The following GABBR2 variants were observed in gnomAD, a reference collection of about 807,000 sequenced individuals.
GABBR2 encodes G-protein coupled receptor 51.
A neutral mutation model predicts 105.6 loss-of-function variants in GABBR2; 23 were observed. That is an observed-to-expected ratio of 0.22 (90% CI 0.16 to 0.31). GABBR2 has a LOEUF of 0.31. GABBR2 is among the 10% of genes least tolerant of loss of function. The pLI is 1.00. For synonymous variants in GABBR2, 478 were observed against 499.7 expected, an observed-to-expected ratio of 0.96 and a Z score of 0.58; for missense variants, 734 against 1,245.5, an observed-to-expected ratio of 0.59 and a Z score of 6.18.
chr9:98,544,258 A>C (rs1828361882), intron 2 of GABBR2, among the ~76,000 whole-genome samples: 1 of 152,184 alleles, frequency 6.6e-6, no homozygotes, highest in African/African-American at 2.4e-5. Context: ...CTGTCACCCT[A>C]GAACCACGTT....
At chr9:98,702,107 C>T (rs964878839) in intron 1 of GABBR2, among the ~76,000 whole-genome samples, 1 of 152,080 alleles carries the variant, frequency 6.6e-6, no homozygotes, top group Non-Finnish European at 1.5e-5. Flanking sequence ...CCAAGGTCAC[C>T]AAGCAGGTGA....
At chr9:98,329,981 A>G (rs1830995403) in intron 13 of GABBR2, among the ~76,000 whole-genome samples, 1 of 152,122 alleles carries the variant, frequency 6.6e-6, no homozygotes, top group South Asian at 2.1e-4. Context: ...ATATTATCAT[A>G]TCTATTAAAA....
intron 2 of GABBR2, among the ~76,000 whole-genome samples, chr9:98,557,455 T>G (rs993603895): frequency 1.3e-5 from 2 of 152,192 alleles, no homozygotes; most frequent in Non-Finnish European, 2.9e-5. Context: ...AGGGTCCATG[T>G]GTAACTGTTT....
intron 13 of GABBR2, among the ~76,000 whole-genome samples, chr9:98,335,745 A>G (rs921662801): frequency 3.3e-5 from 5 of 152,318 alleles, no homozygotes; most frequent in Non-Finnish European, 7.4e-5. Context: ...GTATCAACAT[A>G]TTCATCCAAT....
Position 98,708,280 on chromosome 9 carries a change from G to C in GABBR2, c.321+137C>G, listed in dbSNP as rs1002186538. The C allele has an allele frequency of 7.9e-6, 7 of 885,990 alleles. No individual in the cohort carries two copies. The East Asian group carries it at 2.2e-4, about 28-fold the overall frequency. 54.9% of individuals were successfully genotyped at this position (885,990 alleles called of 1,614,324 possible). On this transcript the variant is annotated intron_variant, in intron 1 of 18. Coordinates refer to ENST00000259455, the MANE Select transcript of GABBR2 (RefSeq NM_005458.8). ...GCAGGACCGCGGGGGTGAACACTGGGCACCAGCCCTCTCTGCCCTCGGCAG... is the reference window on the plus strand; with the variant it reads ...GCAGGACCGCGGGGGTGAACACTGGCCACCAGCCCTCTCTGCCCTCGGCAG...
intron 1 of GABBR2, among the ~76,000 whole-genome samples, chr9:98,628,532 C>A (rs1829776533): frequency 6.6e-6 from 1 of 152,152 alleles, no homozygotes; most frequent in Admixed American, 6.5e-5. Flanking sequence ...ATGGAAACAC[C>A]TTTTTCTTTC....
chr9:98,371,108 G>A (rs1831773599), intron 12 of GABBR2, among the ~76,000 whole-genome samples: 1 of 151,904 alleles, frequency 6.6e-6, no homozygotes, highest in Admixed American at 6.6e-5. Context: ...CCCATCCCCA[G>A]GCTGCCACGG....
intron 7 of GABBR2, among the ~76,000 whole-genome samples, chr9:98,431,332 T>C (rs1825805676): frequency 6.6e-6 from 1 of 152,176 alleles, no homozygotes; most frequent in South Asian, 2.1e-4. Context: ...AAGAACTGAT[T>C]GTTTGCTCCT....
At chr9:98,495,622 C>T (rs1291715491) in intron 4 of GABBR2, among the ~76,000 whole-genome samples, 2 of 152,172 alleles carry the variant, frequency 1.3e-5, no homozygotes, top group African/African-American at 4.8e-5. Flanking sequence ...GATTCTAAGC[C>T]ATGATGAGCA....
intron 13 of GABBR2, among the ~76,000 whole-genome samples, chr9:98,322,839 C>G (rs988421786): frequency 6.6e-6 from 1 of 152,052 alleles, no homozygotes; most frequent in Non-Finnish European, 1.5e-5. Context: ...CTGTCTTTTT[C>G]GGGAGGACTT....
chr9:98,359,650 T>C (rs922596491), intron 13 of GABBR2, among the ~76,000 whole-genome samples: 11 of 152,120 alleles, frequency 7.2e-5, no homozygotes, highest in African/African-American at 2.7e-4. Flanking sequence ...GAGTCGACAG[T>C]GATCTGAAGT....
At chr9:98,370,827 T>C (rs1831767782) in intron 12 of GABBR2, among the ~76,000 whole-genome samples, 1 of 152,110 alleles carries the variant, frequency 6.6e-6, no homozygotes, top group Admixed American at 6.5e-5. Context: ...CAACATCATA[T>C]CTATACCAAA....
Position 98,548,694 on chromosome 9 carries a change from AG to A in GABBR2, c.460-6652del, listed in dbSNP as rs1300536718. Among the ~76,000 whole-genome samples the A allele has an allele frequency of 2.5e-5, 3 of 119,886 alleles. 1 individual carries two copies. The Admixed American group carries it at 2.8e-4, about 11-fold the overall frequency. 78.6% of individuals were successfully genotyped at this position (119,886 alleles called of 152,430 possible). Reference sequence around the variant, plus strand: ...AATTTTCTAGTTGATATGAGTCCTGAGTCTAACTCAGATTGTAGGGGAGAAA... The same window carrying A: ...AATTTTCTAGTTGATATGAGTCCTGATCTAACTCAGATTGTAGGGGAGAAA... On this transcript the variant is annotated intron_variant, in intron 2 of 18. Transcript: ENST00000259455.
intron 7 of GABBR2, among the ~76,000 whole-genome samples, chr9:98,411,644 C>T (rs1281906221): frequency 6.6e-6 from 1 of 152,066 alleles, no homozygotes; most frequent in East Asian, 1.9e-4. Context: ...TCACTGAAAC[C>T]TCGAGCTCCT....
At chr9:98,401,028 C>A (rs1832385996) in intron 8 of GABBR2, among the ~76,000 whole-genome samples, 1 of 151,964 alleles carries the variant, frequency 6.6e-6, no homozygotes, top group Non-Finnish European at 1.5e-5. Flanking sequence ...CAAGAAATTC[C>A]TCGGGGGAGA....
At chr9:98,532,191 A>G (rs779558726) in intron 3 of GABBR2, among the ~76,000 whole-genome samples, 1 of 152,192 alleles carries the variant, frequency 6.6e-6, no homozygotes, top group African/African-American at 2.4e-5. Context: ...GAAATAATGG[A>G]CCTACCCTAA....
chr9:98,372,089 T>C (rs1175316098), intron 11 of GABBR2, among the ~76,000 whole-genome samples: 1 of 152,232 alleles, frequency 6.6e-6, no homozygotes, highest in Non-Finnish European at 1.5e-5. Context: ...TGAGGCCCTG[T>C]CTGGCTCTCA....
At chr9:98,661,094 A>C (rs996747022) in intron 1 of GABBR2, among the ~76,000 whole-genome samples, 2 of 152,166 alleles carry the variant, frequency 1.3e-5, no homozygotes, top group Admixed American at 6.5e-5. Flanking sequence ...TTTTTAGTAG[A>C]GATGGGGTTT....
chr9:98,294,466 A>G (rs1830349535), intron 17 of GABBR2, among the ~76,000 whole-genome samples: 1 of 152,102 alleles, frequency 6.6e-6, no homozygotes, highest in Non-Finnish European at 1.5e-5. Flanking sequence ...GATCTGTGCA[A>G]AGATATATAC....
Sources: allele counts gnomAD v4.1 joint callset (sites outside exome capture counted in the v4.1 genomes callset), GRCh38; gene constraint gnomAD v4.1.1; transcripts MANE v1.5; gene names NCBI Gene and HGNC (gene_info 2026-07-23, HGNC 2026-07-21).